Variants in ABCA8 observed in about 807,000 individuals in gnomAD.
ABCA8 encodes the protein ATP binding cassette subfamily A member 8.
ABCA8 carries 177 observed loss-of-function variants against 192.3 expected under a neutral mutation model. The ratio of observed to expected loss-of-function variants is 0.92; its 90% CI spans 0.81 to 1.04. ABCA8 has a LOEUF of 1.04. Ranked by LOEUF, ABCA8 falls within the 50% of genes least tolerant of loss-of-function variation. The pLI, the probability that ABCA8 is intolerant of heterozygous loss-of-function variation, is 0.00. For synonymous variants in ABCA8, 642 were observed against 690.2 expected (o/e 0.93, Z 1.09); for missense variants, 1,915 against 1,904.8 (o/e 1.01, Z -0.10).
At chr17:68,890,901 A>ATATGC (rs1176481650) in intron 24 of ABCA8, among the ~76,000 whole-genome samples, 1 of 152,220 alleles carries the variant, frequency 6.6e-6, no homozygotes, top group Non-Finnish European at 1.5e-5. Flanking sequence ...TTAAAATAGC[A>ATATGC]TATGCTTCTT....
intron 2 of ABCA8, among the ~76,000 whole-genome samples, chr17:68,943,306 CAG>C (rs1381575596): frequency 6.6e-6 from 1 of 152,062 alleles, no homozygotes; most frequent in East Asian, 1.9e-4. Context: ...GTTTATTATG[CAG>C]AGTCATCAGG....
At chr17:68,899,051 C>A (rs1039189643) in intron 21 of ABCA8, among the ~76,000 whole-genome samples, 24 of 151,844 alleles carry the variant, frequency 1.6e-4, no homozygotes, top group Non-Finnish European at 2.7e-4. Flanking sequence ...GATGTACATT[C>A]TAGGCCCAAA....
chr17:68,896,615 C>A (rs2066766140), intron 21 of ABCA8, among the ~76,000 whole-genome samples: 1 of 152,066 alleles, frequency 6.6e-6, no homozygotes, highest in Non-Finnish European at 1.5e-5. Flanking sequence ...TTAGTCGCCA[C>A]CTCCGTTATC....
chr17:68,933,271 G>A lies in ABCA8; in HGVS notation c.467C>T (p.Ala156Val), dbSNP rs759365889. 1 of 1,590,402 alleles carries A rather than the reference G, an allele frequency of 6.3e-7. No individual in the cohort carries two copies. The highest frequency in any genetic ancestry group is 8.6e-7 in the Non-Finnish European group (1 of 1,162,492). The change falls in exon 6 of 40, where the codon GCT becomes GTT. Residue 156 changes from alanine (A) to valine (V), a missense_variant and splice_region_variant. Transcript: ENST00000586539. ...ATCTTCATTTGTTTCATAACAATGA[G>A]CTTTGTGAAAAAACAAATCATAACT... ...PAKKEHKDHT[A>V]HCYETNEDVY...
intron 36 of ABCA8, 69 bp downstream of exon 36, chr17:68,875,545 C>T (rs931875361): frequency 1.3e-6 from 2 of 1,597,848 alleles, no homozygotes; most frequent in Non-Finnish European, 1.7e-6. Flanking sequence ...AGTGATCTCT[C>T]CCTGCCACAG....
chr17:68,933,513 C>T (rs186451336), intron 5 of ABCA8, among the ~76,000 whole-genome samples: 2 of 152,252 alleles, frequency 1.3e-5, no homozygotes, highest in East Asian at 3.9e-4. Flanking sequence ...ACACTCTAAG[C>T]TTTCTCATAC....
chr17:68,868,223 C>G, intron 39 of ABCA8, 40 bp from the exon 40 acceptor site: 1 of 1,606,208 alleles, frequency 6.2e-7, no homozygotes, highest in Non-Finnish European at 8.5e-7. Context: ...AGAACAATGC[C>G]GTGCTGCCTC....
chr17:68,935,142 T>C (rs2068022501), intron 5 of ABCA8, among the ~76,000 whole-genome samples: 1 of 150,712 alleles, frequency 6.6e-6, no homozygotes, highest in Non-Finnish European at 1.5e-5. Context: ...TGGCATTCAG[T>C]GGAGTACAGT....
intron 16 of ABCA8, among the ~76,000 whole-genome samples, 170 bp downstream of exon 16, chr17:68,917,877 C>G (rs1410250877): frequency 6.6e-6 from 1 of 152,190 alleles, no homozygotes; most frequent in African/African-American, 2.4e-5. Context: ...GCAAGATACA[C>G]TGAAATGGTT....
chr17:68,896,366 A>G (rs2066758213), intron 21 of ABCA8, among the ~76,000 whole-genome samples: 1 of 152,228 alleles, frequency 6.6e-6, no homozygotes, highest in Non-Finnish European at 1.5e-5. Flanking sequence ...GACCATATTT[A>G]TAGTAGTGCT....
chr17:68,902,850 G>T lies in ABCA8; in HGVS notation c.2627C>A (p.Pro876His). The T allele has an allele frequency of 6.2e-7, 1 of 1,612,258 alleles. No homozygotes were observed. Among genetic ancestry groups the T allele is most frequent in the Non-Finnish European group, 8.5e-7 (1 of 1,179,398 alleles). ...LLLILMAGFC[P>H]LLVEYTMVKI... ...CACCATGGTATACTCCACAAGAAGA[G>T]GGCAAAATCCAGCCATTAGAATTAA... Residue 876 changes from proline to histidine, a missense_variant, in exon 21 of 40, where the codon CCT (proline) becomes CAT (histidine). Pro to His is a moderately conservative substitution (Grantham distance 77, BLOSUM62 -2). Transcript: ENST00000586539.
chr17:68,882,544 T>C (rs2066361364), intron 30 of ABCA8, 55 bp downstream of exon 30: 6 of 1,477,358 alleles, frequency 4.1e-6, no homozygotes, highest in Non-Finnish European at 5.5e-6. Flanking sequence ...TCAAAATCAT[T>C]AGAGAATTAG....
At chr17:68,936,860 C>T (rs2068080782) in intron 5 of ABCA8, 91 bp downstream of exon 5, 1 of 1,136,682 alleles carries the variant, frequency 8.8e-7, no homozygotes. Flanking sequence ...GATAGTGATG[C>T]TCTAATTTGG....
At chr17:68,887,673 T>C (rs2066500742) in intron 24 of ABCA8, among the ~76,000 whole-genome samples, 167 bp from the exon 25 acceptor site, 1 of 152,000 alleles carries the variant, frequency 6.6e-6, no homozygotes, top group Non-Finnish European at 1.5e-5. Flanking sequence ...ACCAGTCTGC[T>C]GCTTTAATGA....
intron 34 of ABCA8, 36 bp from the exon 35 acceptor site, chr17:68,876,590 T>C: frequency 6.2e-7 from 1 of 1,614,158 alleles, no homozygotes; most frequent in Non-Finnish European, 8.5e-7. Context: ...GGTTCCCATC[T>C]ATGGCACTTG....
chr17:68,915,748 A>G (rs1046758748), intron 17 of ABCA8, among the ~76,000 whole-genome samples: 1 of 152,342 alleles, frequency 6.6e-6, no homozygotes, highest in Non-Finnish European at 1.5e-5. Flanking sequence ...TAGAGCTACC[A>G]TATGATCCAG....
chr17:68,926,190 A>G (rs1427317556), intron 10 of ABCA8, among the ~76,000 whole-genome samples: 1 of 152,250 alleles, frequency 6.6e-6, no homozygotes, highest in Non-Finnish European at 1.5e-5. Context: ...CATAGTGCAC[A>G]CCAAAATAAA....
chr17:68,896,303 T>C (rs1438783047), intron 21 of ABCA8, among the ~76,000 whole-genome samples: 1 of 152,188 alleles, frequency 6.6e-6, no homozygotes, highest in African/African-American at 2.4e-5. Context: ...AGAGCCCTTC[T>C]GTGGAGAGGA....
chr17:68,882,047 A>G, intron 30 of ABCA8, 67 bp from the exon 31 acceptor site: 2 of 1,373,270 alleles, frequency 1.5e-6, no homozygotes, highest in Non-Finnish European at 1.0e-6. Flanking sequence ...ACAAAATTCC[A>G]TCTTCCCATT....
Sources: gnomAD v4.1 joint callset for allele counts (sites outside exome capture counted in the v4.1 genomes callset) on GRCh38, gnomAD v4.1.1 for gene constraint, MANE v1.5 for transcripts, NCBI Gene and HGNC (gene_info 2026-07-23, HGNC 2026-07-21) for gene names.